SLC24A2: variants seen among roughly 807,000 people sequenced by gnomAD.
SLC24A2 encodes sodium/potassium/calcium exchanger 2.
In SLC24A2, 36 loss-of-function variants were observed where a neutral mutation model predicts 62.0. The ratio of observed to expected loss-of-function variants is 0.58; its 90% CI spans 0.44 to 0.77. The LOEUF (loss-of-function observed/expected upper bound fraction) is 0.77. Ranked by LOEUF, SLC24A2 falls within the 30% of genes least tolerant of loss-of-function variation. SLC24A2 has a pLI of 0.00. For missense variants in SLC24A2, 846 were observed against 817.9 expected (o/e 1.03, Z -0.42); for synonymous variants, 358 against 294.0 (o/e 1.22, Z -2.23).
chr9:20,224,498 GA>G, the SLC24A2 span, among the ~76,000 whole-genome samples: 1 of 152,042 alleles, frequency 6.6e-6, no homozygotes, highest in African/African-American at 2.4e-5. Context: ...AATACTGGCA[GA>G]AAAAATAGAT....
chr9:20,135,209 G>C, the SLC24A2 span, among the ~76,000 whole-genome samples: 1 of 152,098 alleles, frequency 6.6e-6, no homozygotes, highest in East Asian at 1.9e-4. Flanking sequence ...TTTAAAATCA[G>C]ACAAATTTAA....
chr9:19,700,600 G>T (rs892031698), intron 2 of SLC24A2, among the ~76,000 whole-genome samples: 1 of 152,166 alleles, frequency 6.6e-6, no homozygotes, highest in East Asian at 1.9e-4. Context: ...TCCACAGAAA[G>T]CTCTGAAACT....
At chr9:19,578,031 A>T (rs1414907445) in intron 5 of SLC24A2, among the ~76,000 whole-genome samples, 1 of 151,740 alleles carries the variant, frequency 6.6e-6, no homozygotes, top group African/African-American at 2.4e-5. Flanking sequence ...CATGGGAGCT[A>T]AGCTATGAGG....
At chr9:20,100,178 T>TTGTG in the SLC24A2 span, among the ~76,000 whole-genome samples, 33 of 151,492 alleles carry the variant, frequency 2.2e-4, no homozygotes, top group Admixed American at 1.3e-3. Context: ...GGCTAACTTT[T>TTGTG]TGTGTGTGTG....
the SLC24A2 span, among the ~76,000 whole-genome samples, chr9:19,809,049 T>A: frequency 6.6e-6 from 1 of 152,244 alleles, no homozygotes; most frequent in Non-Finnish European, 1.5e-5. Context: ...TCATAACCTG[T>A]GGTTACATAT....
intron 7 of SLC24A2, among the ~76,000 whole-genome samples, chr9:19,555,608 T>G (rs2132770042): frequency 6.6e-6 from 1 of 152,314 alleles, no homozygotes; most frequent in East Asian, 1.9e-4. Flanking sequence ...AGTAACATTC[T>G]TCAGTGGTGT....
At chr9:20,163,032 T>C in the SLC24A2 span, among the ~76,000 whole-genome samples, 84 of 152,244 alleles carry the variant, frequency 5.5e-4, no homozygotes, top group Non-Finnish European at 3.8e-4. Context: ...TCATACCGAA[T>C]GGGCAAAAAC....
the SLC24A2 span, among the ~76,000 whole-genome samples, chr9:19,837,990 T>A: frequency 2.0e-5 from 3 of 150,300 alleles, no homozygotes; most frequent in African/African-American, 7.4e-5. Context: ...ATGGCCATAC[T>A]GCCCAAGGTA....
chr9:19,515,382 C>G lies in SLC24A2; in HGVS notation c.*771G>C, dbSNP rs188760910. The G allele has an allele frequency of 1.3e-5, 2 of 152,140 alleles. No homozygotes were observed. The highest frequency in any genetic ancestry group is 1.9e-4 in the East Asian group (1 of 5,182). The allele number at this position is 152,140 out of a possible 1,614,324, so 9.4% of individuals were successfully genotyped here. On this transcript the variant is annotated 3_prime_UTR_variant, in exon 11 of 11. Transcript: ENST00000341998. ...ACTCTGGTGGAGGTGGGCAGATAGT[C>G]TCTCTGTTTGGCTTGTAGGAATGTT... is the stretch of plus-strand genomic sequence containing the variant.
chr9:19,730,176 G>A (rs953231729), intron 2 of SLC24A2, among the ~76,000 whole-genome samples: 2 of 152,120 alleles, frequency 1.3e-5, no homozygotes, highest in Admixed American at 1.3e-4. Context: ...AGAATGCAGT[G>A]AGAACCATGA....
At chr9:19,836,801 TTGA>T in the SLC24A2 span, among the ~76,000 whole-genome samples, 1 of 152,260 alleles carries the variant, frequency 6.6e-6, no homozygotes, top group Non-Finnish European at 1.5e-5. Flanking sequence ...ACCAAAATCC[TTGA>T]TGAACATTGA....
intron 2 of SLC24A2, among the ~76,000 whole-genome samples, chr9:19,758,300 G>T (rs916822342): frequency 1.3e-5 from 2 of 152,100 alleles, no homozygotes; most frequent in Admixed American, 6.6e-5. Flanking sequence ...CAGGCTTTTT[G>T]CCTGAACTAA....
chr9:20,092,020 T>A, the SLC24A2 span, among the ~76,000 whole-genome samples: 1 of 152,156 alleles, frequency 6.6e-6, no homozygotes, highest in Non-Finnish European at 1.5e-5. Flanking sequence ...CTGTTCTCAT[T>A]TATAAGTAGG....
chr9:19,582,146 C>T (rs889895545), intron 5 of SLC24A2, among the ~76,000 whole-genome samples: 17 of 152,080 alleles, frequency 1.1e-4, no homozygotes, highest in African/African-American at 3.6e-4. Flanking sequence ...AGTAAAAGAT[C>T]CAAGCATAAG....
chr9:20,147,123 G>T, the SLC24A2 span, among the ~76,000 whole-genome samples: 1 of 152,162 alleles, frequency 6.6e-6, no homozygotes, highest in Admixed American at 6.6e-5. Flanking sequence ...TGCTGTTAAA[G>T]AACAGAGAAA....
chr9:20,061,660 G>T, the SLC24A2 span, among the ~76,000 whole-genome samples: 1 of 152,128 alleles, frequency 6.6e-6, no homozygotes, highest in Non-Finnish European at 1.5e-5. Flanking sequence ...AGATGGTTGT[G>T]CTAGCACCAC....
At chr9:19,996,176 C>T in the SLC24A2 span, among the ~76,000 whole-genome samples, 1 of 152,144 alleles carries the variant, frequency 6.6e-6, no homozygotes, top group African/African-American at 2.4e-5. Flanking sequence ...AAAAGGCTGG[C>T]TTCAGATTTC....
intron 8 of SLC24A2, among the ~76,000 whole-genome samples, chr9:19,528,552 CA>C (rs1833541897): frequency 6.6e-6 from 1 of 152,066 alleles, no homozygotes; most frequent in East Asian, 1.9e-4. Flanking sequence ...GCTTGCAAAC[CA>C]TGAATCCTAA....
At chr9:19,794,448 C>G in the SLC24A2 span, among the ~76,000 whole-genome samples, 1 of 152,106 alleles carries the variant, frequency 6.6e-6, no homozygotes, top group African/African-American at 2.4e-5. Context: ...TGGAGGCCTA[C>G]TTGAGGGGGA....
Sources: gnomAD v4.1 joint callset for allele counts (sites outside exome capture counted in the v4.1 genomes callset) on GRCh38, gnomAD v4.1.1 for gene constraint, MANE v1.5 for transcripts, NCBI Gene and HGNC (gene_info 2026-07-23, HGNC 2026-07-21) for gene names.